The following JAKMIP1 variants were observed in gnomAD, a reference collection of about 807,000 sequenced individuals.
JAKMIP1 encodes the protein janus kinase and microtubule-interacting protein 1.
Under a neutral mutation model 113.0 loss-of-function variants are expected in JAKMIP1, and 33 were observed. The ratio of observed to expected loss-of-function variants is 0.29; its 90% CI spans 0.22 to 0.39. The LOEUF is 0.39. JAKMIP1 is among the 10% of genes least tolerant of loss of function. JAKMIP1 has a pLI of 1.00. For missense variants in JAKMIP1, 813 were observed against 1,080.5 expected, an observed-to-expected ratio of 0.75 and a Z score of 3.47; for synonymous variants, 480 against 459.9, an observed-to-expected ratio of 1.04 and a Z score of -0.56.
chr4:6,095,437 T>C (rs990737286), intron 3 of JAKMIP1, among the ~76,000 whole-genome samples: 7 of 152,180 alleles, frequency 4.6e-5, no homozygotes, highest in African/African-American at 9.7e-5. Flanking sequence ...GCCCCCATGA[T>C]GTCAGGATCC....
Position 6,097,039 on chromosome 4 carries a change from T to C in JAKMIP1, c.624+8434A>G, listed in dbSNP as rs1035436173. On this transcript the variant is annotated intron_variant, in intron 3 of 20. Transcript: ENST00000409021. This position sits in a 1 kb window ranked among gnomAD's most constrained non-coding sequence, Gnocchi z 4.3. ...TTATTCAAGACAGACTCTCTCTCTG[T>C]CACCCAGGCTGGAGTGCAGGGGCAT... Among the ~76,000 whole-genome samples the C allele has an allele frequency of 2.6e-5, 4 of 152,188 alleles. No homozygotes were observed. Among genetic ancestry groups the C allele is most frequent in the Admixed American group, 2.6e-4 (4 of 15,282 alleles).
Position 6,081,014 on chromosome 4 carries a change from C to CACACA in JAKMIP1, c.1101+594_1101+595insTGTGT, listed in dbSNP as rs1553821445. Among the ~76,000 whole-genome samples, 1 of 151,234 alleles carries CACACA rather than the reference C, an allele frequency of 6.6e-6. No homozygotes were observed. The highest frequency in any genetic ancestry group is 1.5e-5 in the Non-Finnish European group (1 of 67,772). ...ACACACACACACACACACACACACA[C>CACACA]CTGCATCTGCTACAGTGCAGACAGC... On this transcript the variant is annotated intron_variant, in intron 6 of 20. Coordinates refer to ENST00000409021, the MANE Select transcript of JAKMIP1 (RefSeq NM_001099433.2). The surrounding 1 kb of genome is among the most constrained non-coding windows in gnomAD (Gnocchi z 4.6).
In JAKMIP1 at chr4:6,184,889, C is replaced by A. The variant is rs191229908; in HGVS notation, c.-148+15364G>T. On this transcript the variant is annotated intron_variant, in intron 1 of 20. Coordinates refer to ENST00000409021, the MANE Select transcript of JAKMIP1 (RefSeq NM_001099433.2). The surrounding 1 kb of genome is among the most constrained non-coding windows in gnomAD (Gnocchi z 4.5). ...CCCTCGGTGTGGGTGGGCACCATCTCATCAGCTGCCAGCACAGCTAGAATA... is the reference window on the plus strand; with the variant it reads ...CCCTCGGTGTGGGTGGGCACCATCTAATCAGCTGCCAGCACAGCTAGAATA... Among the ~76,000 whole-genome samples, 3 of 152,340 alleles carry A rather than the reference C, an allele frequency of 2.0e-5. No homozygotes were observed. The highest frequency in any genetic ancestry group is 2.0e-4 in the Admixed American group (3 of 15,300).
chr4:6,082,272 C>A (rs1231781404), intron 5 of JAKMIP1, among the ~76,000 whole-genome samples: 1 of 151,970 alleles, frequency 6.6e-6, no homozygotes, highest in Non-Finnish European at 1.5e-5. Context: ...CCTGCGTTTA[C>A]TCCCCAGGCT....
chr4:6,157,996 T>C lies in JAKMIP1; in HGVS notation c.-148+42257A>G, dbSNP rs1722459427. 6.6e-6 allele frequency among the ~76,000 whole-genome samples: 1 copy of C among 152,110 alleles called. No individual in the cohort carries two copies. Among genetic ancestry groups the C allele is most frequent in the Non-Finnish European group, 1.5e-5 (1 of 68,000 alleles). On this transcript the variant is annotated intron_variant, in intron 1 of 20. Coordinates refer to ENST00000409021, the MANE Select transcript of JAKMIP1 (RefSeq NM_001099433.2). The surrounding 1 kb of genome is among the most constrained non-coding windows in gnomAD (Gnocchi z 4.7). ...CCCAAAGAACACAGCTTCTACAACT[T>C]CAGAAGAGTTATCTGGGCCACATTT...
intron 1 of JAKMIP1, among the ~76,000 whole-genome samples, chr4:6,146,765 T>C (rs961947576): frequency 6.6e-6 from 1 of 152,198 alleles, no homozygotes; most frequent in African/African-American, 2.4e-5. Context: ...GGTATTTTTC[T>C]AAAGCAGCCA....
At chr4:6,109,032 T>G (rs371040474) in intron 2 of JAKMIP1, among the ~76,000 whole-genome samples, 13 of 151,914 alleles carry the variant, frequency 8.6e-5, no homozygotes, top group African/African-American at 3.1e-4. Context: ...TTGTTTCTAA[T>G]GCCATTCTCC....
At position 6,136,859 on chromosome 4, in the gene JAKMIP1, T is replaced by C. The variant is rs947268558; in HGVS notation, c.-147-23862A>G. On this transcript the variant is annotated intron_variant, in intron 1 of 20. Coordinates refer to ENST00000409021, the MANE Select transcript of JAKMIP1 (RefSeq NM_001099433.2). This position sits in a 1 kb window ranked among gnomAD's most constrained non-coding sequence, Gnocchi z 5.9. ...AAAAGCTAGTTACCAGCAGCGGCACTACCCATCACATAACAGGCATTTAGA... is the reference window on the plus strand; with the variant it reads ...AAAAGCTAGTTACCAGCAGCGGCACCACCCATCACATAACAGGCATTTAGA... Among the ~76,000 whole-genome samples, 2 of 152,174 alleles carry C rather than the reference T, an allele frequency of 1.3e-5. No homozygotes were observed. The highest frequency in any genetic ancestry group is 4.8e-5 in the African/African-American group (2 of 41,432).
Position 6,199,704 on chromosome 4 carries a change from G to C in JAKMIP1, c.-148+549C>G, listed in dbSNP as rs1170297941. 6.6e-6 allele frequency among the ~76,000 whole-genome samples: 1 copy of C among 151,548 alleles called. No homozygotes were observed. The highest frequency in any genetic ancestry group is 1.5e-5 in the Non-Finnish European group (1 of 67,866). ...GTGTGCCGTGCGTGGGGTGGGGTGC[G>C]GGCTGGGCGGCCTCGCCTTCGGGCC... On this transcript the variant is annotated intron_variant, in intron 1 of 20. Coordinates refer to ENST00000409021, the MANE Select transcript of JAKMIP1 (RefSeq NM_001099433.2). The surrounding 1 kb of genome is among the most constrained non-coding windows in gnomAD (Gnocchi z 5.6).
rs1438883328 is a variant in JAKMIP1 at position 6,097,254 on chromosome 4, C to A, written c.624+8219G>T. ...TCAAGCAATCCTCCCACCTCAGCCT[C>A]CTGATGTATTGGGATTACAGTCATG... On this transcript the variant is annotated intron_variant, in intron 3 of 20. Transcript: ENST00000409021. This position sits in a 1 kb window ranked among gnomAD's most constrained non-coding sequence, Gnocchi z 4.3. 6.6e-6 allele frequency among the ~76,000 whole-genome samples: 1 copy of A among 152,232 alleles called. No homozygotes were observed. The highest frequency in any genetic ancestry group is 2.4e-5 in the African/African-American group (1 of 41,452).
Position 6,040,126 on chromosome 4 carries a change from T to C in JAKMIP1, c.2175+513A>G. On this transcript the variant is annotated intron_variant, in intron 18 of 20. Transcript: ENST00000409021. This position sits in a 1 kb window ranked among gnomAD's most constrained non-coding sequence, Gnocchi z 5.8. The stretch of plus-strand genomic sequence containing the variant: ...GCTTTGAGTGTGAGGACACAGGAGT[T>C]TGAACATCATCCCACTGTATTTTAA... Among the ~76,000 whole-genome samples, 1 of 152,220 alleles carries C rather than the reference T, an allele frequency of 6.6e-6. No homozygotes were observed. Among genetic ancestry groups the C allele is most frequent in the Non-Finnish European group, 1.5e-5 (1 of 68,040 alleles).
chr4:6,147,201 A>C (rs1339788981), intron 1 of JAKMIP1, among the ~76,000 whole-genome samples: 2 of 152,000 alleles, frequency 1.3e-5, no homozygotes, highest in East Asian at 3.9e-4. Flanking sequence ...ACCTCAAGTG[A>C]TCCACCTGCC....
chr4:6,084,652 C>G (rs930113629), intron 5 of JAKMIP1, among the ~76,000 whole-genome samples, 194 bp downstream of exon 5: 1 of 151,974 alleles, frequency 6.6e-6, no homozygotes, highest in Non-Finnish European at 1.5e-5. Context: ...AAGATAAGTT[C>G]CTACAAAAAC....
Position 6,178,236 on chromosome 4 carries a change from GTGGCTACC to G in JAKMIP1, c.-148+22009_-148+22016del, listed in dbSNP as rs1446804186. 6.6e-6 allele frequency among the ~76,000 whole-genome samples: 1 copy of G among 152,224 alleles called. No individual in the cohort carries two copies. Among genetic ancestry groups the G allele is most frequent in the Non-Finnish European group, 1.5e-5 (1 of 68,042 alleles). ...GTATCTCATTTTTGAATTGAGAGAC[GTGGCTACC>G]TTTCAGGTAAGCAGCTTTTCCTTTG... On this transcript the variant is annotated intron_variant, in intron 1 of 20. Transcript: ENST00000409021. The surrounding 1 kb of genome is among the most constrained non-coding windows in gnomAD (Gnocchi z 5.5).
At position 6,183,300 on chromosome 4, in the gene JAKMIP1, G is replaced by A. The variant is rs1726254034; in HGVS notation, c.-148+16953C>T. Among the ~76,000 whole-genome samples, 1 of 151,908 alleles carries A rather than the reference G, an allele frequency of 6.6e-6. No homozygotes were observed. The highest frequency in any genetic ancestry group is 1.5e-5 in the Non-Finnish European group (1 of 67,974). On this transcript the variant is annotated intron_variant, in intron 1 of 20. Coordinates refer to ENST00000409021, the MANE Select transcript of JAKMIP1 (RefSeq NM_001099433.2). The surrounding 1 kb of genome is among the most constrained non-coding windows in gnomAD (Gnocchi z 5.3). The stretch of plus-strand genomic sequence containing the variant: ...TTGAGACCAGTCTGGCCAACATGGT[G>A]AAACTCCGTCTGTACTAAAAATACA...
At position 6,067,413 on chromosome 4, in the gene JAKMIP1, A is replaced by T. The variant is rs956959144; in HGVS notation, c.1303-2405T>A. ...TATGGGCACCATCAACTTCAATGTC[A>T]TTTCTCTCCTTGCAGAGGCTGGAGA... On this transcript the variant is annotated intron_variant, in intron 8 of 20. Transcript: ENST00000409021. This position sits in a 1 kb window ranked among gnomAD's most constrained non-coding sequence, Gnocchi z 4.6. Among the ~76,000 whole-genome samples the T allele has an allele frequency of 2.0e-5, 3 of 152,090 alleles. No homozygotes were observed. The highest frequency in any genetic ancestry group is 7.2e-5 in the African/African-American group (3 of 41,396).
intron 1 of JAKMIP1, among the ~76,000 whole-genome samples, chr4:6,146,966 TG>T (rs759439264): frequency 5.3e-4 from 81 of 152,292 alleles, no homozygotes; most frequent in Admixed American, 1.2e-3. Context: ...AGTTTTTTTT[TG>T]TTTTTGGGGG....
At position 6,194,544 on chromosome 4, in the gene JAKMIP1, C is replaced by G. The variant is rs1348206323; in HGVS notation, c.-148+5709G>C. 2.0e-5 allele frequency: 3 copies of G among 152,198 alleles called. No homozygotes were observed. Among genetic ancestry groups the G allele is most frequent in the African/African-American group, 7.2e-5 (3 of 41,440 alleles). The allele number at this position is 152,198 out of a possible 1,614,324, so 9.4% of individuals were successfully genotyped here. A position where few individuals can be genotyped will look rare whatever the true frequency, so the allele number is the denominator to read the frequency against. On this transcript the variant is annotated intron_variant, in intron 1 of 20. Transcript: ENST00000409021. This position sits in a 1 kb window ranked among gnomAD's most constrained non-coding sequence, Gnocchi z 7.4. ...TCCTCAGAGTCCTCATGGAAGGAAA[C>G]CCTGTAGTGATGTGTCCCACCCCCT...
In JAKMIP1 at chr4:6,040,802, G is replaced by T; in HGVS notation, c.2098-86C>A. ...AGAGCCCGTTTGCTAGAGAGTGGCAGTCTCACCGAATTGGGGGCACTCAGA... is the reference window on the plus strand; with the variant it reads ...AGAGCCCGTTTGCTAGAGAGTGGCATTCTCACCGAATTGGGGGCACTCAGA... On this transcript the variant is annotated intron_variant, in intron 17 of 20. Coordinates refer to ENST00000409021, the MANE Select transcript of JAKMIP1 (RefSeq NM_001099433.2). The surrounding 1 kb of genome is among the most constrained non-coding windows in gnomAD (Gnocchi z 5.8). The T allele has an allele frequency of 9.6e-7, 1 of 1,037,460 alleles. No individual in the cohort carries two copies. Among genetic ancestry groups the T allele is most frequent in the African/African-American group, 1.6e-5 (1 of 63,800 alleles). 64.3% of individuals were successfully genotyped at this position (1,037,460 alleles called of 1,614,324 possible).
Sources: allele counts gnomAD v4.1 joint callset (sites outside exome capture counted in the v4.1 genomes callset), GRCh38; gene constraint gnomAD v4.1.1; non-coding constraint Gnocchi (gnomAD v3.1); transcripts MANE v1.5; gene names NCBI Gene and HGNC (gene_info 2026-07-23, HGNC 2026-07-21).